The following CACNA1C variants were observed in gnomAD, a reference collection of about 807,000 sequenced individuals.
The protein encoded by CACNA1C is voltage-dependent L-type calcium channel subunit alpha-1C.
In CACNA1C, 30 loss-of-function variants were observed where a neutral mutation model predicts 229.0. The observed-to-expected ratio is 0.13, with a 90% CI of 0.10 to 0.18. The LOEUF (loss-of-function observed/expected upper bound fraction) is 0.18. Among genes scored for constraint, CACNA1C ranks in the 10% least tolerant of loss-of-function variants. The pLI, the probability that CACNA1C is intolerant of heterozygous loss-of-function variation, is 1.00. For missense variants in CACNA1C, 1,658 were observed against 2,845.0 expected (o/e 0.58, Z 9.49); for synonymous variants, 1,114 against 1,132.5 (o/e 0.98, Z 0.33).
intron 1 of CACNA1C, among the ~76,000 whole-genome samples, chr12:2,056,002 G>C (rs1330345965): frequency 1.3e-5 from 2 of 152,162 alleles, no homozygotes; most frequent in Non-Finnish European, 2.9e-5. Context: ...TAGAGTTTCA[G>C]GAGACAGAAG....
chr12:2,438,023 GGTA>G (rs1363755666), intron 3 of CACNA1C, among the ~76,000 whole-genome samples: 6 of 148,864 alleles, frequency 4.0e-5, no homozygotes, highest in East Asian at 2.1e-4. Flanking sequence ...GCGGTATGAT[GGTA>G]GTGGTGGTGA....
At chr12:2,046,830 C>T (rs956575) in intron 1 of CACNA1C, among the ~76,000 whole-genome samples, 24,154 of 151,950 alleles carry the variant, frequency 0.16, 1,993 homozygotes, top group African/African-American at 0.18. Flanking sequence ...GGATCTGGTC[C>T]ATCCTATGGC....
rs186215804 is a variant in CACNA1C, at chr12:1,998,850, C to T, written c.139+27649C>T. ...ATTTACATGGTTTAATTTCAGCATTCTATTTAAACCCCTGATATTTTATTA... is the reference window on the plus strand; with the variant it reads ...ATTTACATGGTTTAATTTCAGCATTTTATTTAAACCCCTGATATTTTATTA... On this transcript the variant is annotated intron_variant, in intron 1 of 46. Transcript: ENST00000682462. 1.6e-3 allele frequency among the ~76,000 whole-genome samples: 248 copies of T among 152,264 alleles called. No individual in the cohort carries two copies. The South Asian group carries it at 0.018, about 11-fold the overall frequency.
rs569826060 is a variant in CACNA1C at position 2,287,054 on chromosome 12, A to C, written c.478-161922A>C. Among the ~76,000 whole-genome samples the C allele has an allele frequency of 6.6e-6, 1 of 152,296 alleles. No homozygotes were observed. Among genetic ancestry groups the C allele is most frequent in the South Asian group, 2.1e-4 (1 of 4,826 alleles). On this transcript the variant is annotated intron_variant, in intron 3 of 46. Coordinates refer to ENST00000399655, the MANE Select transcript of CACNA1C (RefSeq NM_000719.7). This position sits in a 1 kb window ranked among gnomAD's most constrained non-coding sequence, Gnocchi z 4.6. The stretch of plus-strand genomic sequence containing the variant: ...GTGCCTTGTCTGGCTGACTGTCCCA[A>C]TTACCCCGGGCCCAGAGGTGGGAGG...
At chr12:2,165,565 T>C (rs2154254725) in intron 3 of CACNA1C, among the ~76,000 whole-genome samples, 1 of 151,992 alleles carries the variant, frequency 6.6e-6, no homozygotes, top group African/African-American at 2.4e-5. Flanking sequence ...ACCTCAATCT[T>C]ACCAACTAAA....
At chr12:2,534,855 C>A (rs1040885329) in intron 9 of CACNA1C, among the ~76,000 whole-genome samples, 1 of 152,170 alleles carries the variant, frequency 6.6e-6, no homozygotes, top group African/African-American at 2.4e-5. Context: ...CTAAATTAAA[C>A]CTTTCCATTT....
At chr12:2,379,859 G>A (rs2098184680) in intron 3 of CACNA1C, among the ~76,000 whole-genome samples, 1 of 150,654 alleles carries the variant, frequency 6.6e-6, no homozygotes, top group Non-Finnish European at 1.5e-5. Flanking sequence ...GTGAAACCCC[G>A]TCTCTACTAA....
intron 3 of CACNA1C, among the ~76,000 whole-genome samples, chr12:2,350,262 T>C (rs777077491): frequency 7.2e-5 from 11 of 152,196 alleles, no homozygotes; most frequent in Non-Finnish European, 1.2e-4. Context: ...GGGTGGGTTG[T>C]GATGAGATGA....
intron 19 of CACNA1C, among the ~76,000 whole-genome samples, chr12:2,593,618 A>T (rs1230260587): frequency 1.3e-5 from 2 of 152,250 alleles, no homozygotes; most frequent in Non-Finnish European, 2.9e-5. Context: ...AACTTAACAA[A>T]ATGTGATGTT....
intron 46 of CACNA1C, 90 bp downstream of exon 46, chr12:2,688,869 G>C: frequency 9.2e-7 from 1 of 1,088,232 alleles, no homozygotes; most frequent in Non-Finnish European, 1.3e-6. Context: ...CCTGGCTCTT[G>C]CCAAATTCAT....
intron 38 of CACNA1C, among the ~76,000 whole-genome samples, chr12:2,670,037 C>T (rs2096472505): frequency 6.6e-6 from 1 of 152,148 alleles, no homozygotes; most frequent in Admixed American, 6.5e-5. Context: ...GGTCAAAAGA[C>T]CACCGCTGCA....
At chr12:2,579,399 G>T (rs772642573) in intron 13 of CACNA1C, among the ~76,000 whole-genome samples, 3 of 152,032 alleles carry the variant, frequency 2.0e-5, no homozygotes, top group Non-Finnish European at 2.9e-5. Flanking sequence ...GCTTAAAGTT[G>T]CTGGTTCCCA....
chr12:2,139,639 G>A (rs573556170), intron 3 of CACNA1C, among the ~76,000 whole-genome samples: 4 of 151,200 alleles, frequency 2.6e-5, no homozygotes, highest in South Asian at 4.2e-4. Flanking sequence ...TTCTGTACCC[G>A]TTTACAGTAT....
Position 2,682,653 on chromosome 12 carries a change from G to C in CACNA1C, c.5548G>C (p.Glu1850Gln). Residue 1850 changes from glutamate to glutamine, a missense_variant, in exon 43 of 47, where the codon GAG becomes CAG. Transcript: ENST00000399655. The part of the protein sequence containing the change: ...KMNHDTEACS[E>Q]PSLLSTEMLS... ...GAACCATGACACGGAGGCCTGCAGTGAGCCCAGCCTGCTCTCCACAGAGAT... is the reference window on the plus strand; with the variant it reads ...GAACCATGACACGGAGGCCTGCAGTCAGCCCAGCCTGCTCTCCACAGAGAT... The C allele has an allele frequency of 1.2e-6, 2 of 1,611,802 alleles. No homozygotes were observed. The highest frequency in any genetic ancestry group is 8.5e-7 in the Non-Finnish European group (1 of 1,179,582).
chr12:2,031,165 C>T (rs1776452686), intron 1 of CACNA1C, among the ~76,000 whole-genome samples: 1 of 152,194 alleles, frequency 6.6e-6, no homozygotes, highest in African/African-American at 2.4e-5. Flanking sequence ...TGCCCATGGG[C>T]ATCCTTGGTT....
intron 8 of CACNA1C, among the ~76,000 whole-genome samples, chr12:2,507,218 C>G (rs1417890976): frequency 6.6e-6 from 1 of 152,224 alleles, no homozygotes; most frequent in Non-Finnish European, 1.5e-5. Flanking sequence ...GCCGTCTGCT[C>G]CTTGCAGCTC....
Position 2,651,459 on chromosome 12 carries a change from C to T in CACNA1C, c.3946-181C>T, listed in dbSNP as rs1252070391. 4 of 768,176 alleles carry T rather than the reference C, an allele frequency of 5.2e-6. No homozygotes were observed. Among genetic ancestry groups the T allele is most frequent in the Non-Finnish European group, 6.5e-6 (3 of 459,036 alleles). 47.6% of individuals were successfully genotyped at this position (768,176 alleles called of 1,614,324 possible). On this transcript the variant is annotated intron_variant, in intron 31 of 46. Transcript: ENST00000399655. This position sits in a 1 kb window ranked among gnomAD's most constrained non-coding sequence, Gnocchi z 5.4. Reference sequence around the variant, plus strand: ...GTCTAGCTCTGCAGAGACCATGGGGCTGGGCTGTCCACTCATTAAAGTGGG... The same window carrying T: ...GTCTAGCTCTGCAGAGACCATGGGGTTGGGCTGTCCACTCATTAAAGTGGG...
chr12:2,345,798 G>A (rs1245097833), intron 3 of CACNA1C, among the ~76,000 whole-genome samples: 5 of 152,154 alleles, frequency 3.3e-5, no homozygotes, highest in Non-Finnish European at 7.3e-5. Flanking sequence ...TGGTACAGCC[G>A]TGATCATCTG....
chr12:2,420,145 G>GTGTGTGTGTGTGTGTC (rs1260767453), intron 3 of CACNA1C, among the ~76,000 whole-genome samples: 2 of 150,292 alleles, frequency 1.3e-5, no homozygotes, highest in African/African-American at 4.9e-5. Flanking sequence ...GTGTGTGTGT[G>GTGTGTGTGTGTGTGTC]TGTAGGGGGA....
Sources: allele counts gnomAD v4.1 joint callset (sites outside exome capture counted in the v4.1 genomes callset), GRCh38; gene constraint gnomAD v4.1.1; non-coding constraint Gnocchi (gnomAD v3.1); transcripts MANE v1.5; gene names NCBI Gene and HGNC (gene_info 2026-07-23, HGNC 2026-07-21).